The following ARSH variants were observed in gnomAD, a reference collection of about 807,000 sequenced individuals.
The protein encoded by ARSH is arylsulfatase H.
Under a neutral mutation model 28.7 loss-of-function variants are expected in ARSH, and 32 were observed. That is an observed-to-expected ratio of 1.11 (90% CI 0.84 to 1.50). The LOEUF is 1.50. Among genes scored for constraint, ARSH ranks in the 40% most tolerant of loss-of-function variants. The pLI, the probability that ARSH is intolerant of heterozygous loss-of-function variation, is 0.00. For synonymous variants in ARSH, 176 were observed against 177.3 expected, an observed-to-expected ratio of 0.99 and a Z score of 0.06; for missense variants, 440 against 452.4, an observed-to-expected ratio of 0.97 and a Z score of 0.25.
intron 6 of ARSH, among the ~76,000 whole-genome samples, chrX:3,024,785 G>T (rs2089894400): frequency 9.0e-6 from 1 of 111,128 alleles, no homozygotes; most frequent in South Asian, 3.8e-4. Flanking sequence ...CACTTTGATA[G>T]ACTTCATGCC....
At position 3,033,330 on chromosome X, in the gene ARSH, C is replaced by T. The variant is rs766702626; in HGVS notation, c.1634C>T (p.Thr545Ile). 20 of 1,207,212 alleles carry T rather than the reference C, an allele frequency of 1.7e-5. No homozygotes were observed. Among genetic ancestry groups the T allele is most frequent in the Admixed American group, 8.8e-5 (4 of 45,465 alleles). ...CCATGGCTGCAGCCTTGCTGTGGGACCTTCCCCTTCTGTGGGTGTGACAAG... is the reference window on the plus strand; with the variant it reads ...CCATGGCTGCAGCCTTGCTGTGGGATCTTCCCCTTCTGTGGGTGTGACAAG... ...WKPWLQPCCG[T>I]FPFCGCDKED... The change falls in exon 9 of 9, where the codon ACC (threonine) becomes ATC (isoleucine). Residue 545 changes from threonine (T) to isoleucine (I), a missense_variant. Thr to Ile is a moderately conservative substitution (Grantham distance 89, BLOSUM62 -1). Coordinates refer to ENST00000381130, the MANE Select transcript of ARSH (RefSeq NM_001011719.2).
At chrX:3,029,131 C>G in intron 7 of ARSH, 116 bp from the exon 8 acceptor site, 2 of 753,545 alleles carry the variant, frequency 2.7e-6, no homozygotes, top group Non-Finnish European at 3.7e-6. Context: ...TCGCCTCCTT[C>G]TCTTCCTCCC....
chrX:3,013,024 C>T (rs1442775480), intron 2 of ARSH, 23 bp from the exon 3 acceptor site: 3 of 1,203,691 alleles, frequency 2.5e-6, no homozygotes, highest in Non-Finnish European at 2.2e-6. Flanking sequence ...ATGGTGCTAA[C>T]TTATTGACTT....
At chrX:3,021,987 C>T (rs772064714) in intron 5 of ARSH, among the ~76,000 whole-genome samples, 1 of 109,405 alleles carries the variant, frequency 9.1e-6, no homozygotes, top group Non-Finnish European at 1.9e-5. Context: ...AGCAAACTTC[C>T]CACCTCGGCC....
At chrX:3,012,129 G>A (rs1283556493) in intron 2 of ARSH, among the ~76,000 whole-genome samples, 1 of 112,276 alleles carries the variant, frequency 8.9e-6, no homozygotes. Context: ...AAGCCACTGA[G>A]CCCGGCCTGA....
Position 3,033,669 on chromosome X carries a change from G to C in ARSH, c.*284G>C. ...AAGGTGACTTCAGCAGATTCTTGTAGAGCTTTTGTTCCTAGAATTCATGGA... is the reference window on the plus strand; with the variant it reads ...AAGGTGACTTCAGCAGATTCTTGTACAGCTTTTGTTCCTAGAATTCATGGA... On this transcript the variant is annotated 3_prime_UTR_variant, in exon 9 of 9. Coordinates refer to ENST00000381130, the MANE Select transcript of ARSH (RefSeq NM_001011719.2). 1 of 181,022 alleles carries C rather than the reference G, an allele frequency of 5.5e-6. No individual in the cohort carries two copies. The highest frequency in any genetic ancestry group is 1.1e-4 in the East Asian group (1 of 9,099). The allele number at this position is 181,022 out of a possible 1,213,427, so 14.9% of individuals were successfully genotyped here.
Position 3,033,400 on chromosome X carries a change from C to T in ARSH, c.*15C>T, listed in dbSNP as rs1003152740. The T allele has an allele frequency of 3.7e-5, 44 of 1,178,405 alleles. No individual in the cohort carries two copies. Among genetic ancestry groups the T allele is most frequent in the Non-Finnish European group, 4.8e-5 (42 of 879,111 alleles). On this transcript the variant is annotated 3_prime_UTR_variant, in exon 9 of 9. Transcript: ENST00000381130. ...TGGCTCCCTGAGACCATGCGGACCA[C>T]GTGTTACCCACCACAAACTTACTGT... is the stretch of plus-strand genomic sequence containing the variant.
chrX:3,015,683 C>T (rs948152066), intron 4 of ARSH, among the ~76,000 whole-genome samples: 1 of 110,820 alleles, frequency 9.0e-6, no homozygotes. Context: ...CAATAGACTG[C>T]AAACTTCTAG....
At chrX:3,020,663 A>C (rs2089881272) in intron 5 of ARSH, among the ~76,000 whole-genome samples, 1 of 110,477 alleles carries the variant, frequency 9.1e-6, no homozygotes, top group Non-Finnish European at 1.9e-5. Context: ...ATTTAAGCAG[A>C]AATGGGGAGA....
chrX:3,027,218 C>T (rs113195279), intron 6 of ARSH, 95 bp from the exon 7 acceptor site: 95,079 of 1,001,975 alleles, frequency 0.095, 3,558 homozygotes, highest in Non-Finnish European at 0.1. Context: ...CCTCGGCCCC[C>T]CAAAGTGCTG....
chrX:3,032,473 AAGG>A (rs1444896451), intron 8 of ARSH, among the ~76,000 whole-genome samples: 2 of 102,760 alleles, frequency 1.9e-5, no homozygotes, highest in Non-Finnish European at 4.0e-5. Context: ...GGAAGGAGGA[AAGG>A]AGGGAGCGAG....
rs186954566 is a variant in ARSH, at chrX:3,021,319, C to T, written c.901+2649C>T. ...AGTATATGTAAATACATGATGAAGA[C>T]GTGTTACAAAAGCTAGCAATTGCAT... On this transcript the variant is annotated intron_variant, in intron 5 of 8. Coordinates refer to ENST00000381130, the MANE Select transcript of ARSH (RefSeq NM_001011719.2). Among the ~76,000 whole-genome samples, 23 of 111,726 alleles carry T rather than the reference C, an allele frequency of 2.1e-4. No individual in the cohort carries two copies. In the South Asian group the frequency reaches 2.6e-3, roughly 13 times the overall value.
chrX:3,030,039 T>G (rs1178883712), intron 8 of ARSH, among the ~76,000 whole-genome samples: 1 of 110,964 alleles, frequency 9.0e-6, no homozygotes, highest in Non-Finnish European at 1.9e-5. Flanking sequence ...CATTTTAACT[T>G]AGGGAGGTGA....
At position 3,029,350 on chromosome X, in the gene ARSH, A is replaced by G; in HGVS notation, c.1303A>G (p.Arg435Gly). ...HYCGVYLHTV[R>G]WHQKDCATVW... ...CTGTGGGGTCTATCTGCACACGGTC[A>G]GGTGGCATCAGAAGGACTGTAAGTA... Residue 435 changes from arginine (R) to glycine (G), a missense_variant, in exon 8 of 9, where the codon AGG (arginine) becomes GGG (glycine). Arg to Gly is a moderately radical substitution (Grantham distance 125). Coordinates refer to ENST00000381130, the MANE Select transcript of ARSH (RefSeq NM_001011719.2). 8.3e-7 allele frequency: 1 copy of G among 1,210,088 alleles called. No homozygotes were observed. The highest frequency in any genetic ancestry group is 1.1e-6 in the Non-Finnish European group (1 of 894,724).
chrX:3,024,011 C>T lies in ARSH; in HGVS notation c.902-10C>T. The T allele has an allele frequency of 8.3e-7, 1 of 1,209,327 alleles. No homozygotes were observed. The highest frequency in any genetic ancestry group is 1.1e-6 in the Non-Finnish European group (1 of 894,523). ...GAGGTCAACGTCTTTGTGTCTCTGA[C>T]CCTCTCCAGGTAAAATCCTGGATGC... On this transcript the variant is annotated splice_polypyrimidine_tract_variant and intron_variant, in intron 5 of 8. Coordinates refer to ENST00000381130, the MANE Select transcript of ARSH (RefSeq NM_001011719.2).
chrX:3,023,995 G>C, intron 5 of ARSH, 26 bp from the exon 6 acceptor site: 1 of 1,207,986 alleles, frequency 8.3e-7, no homozygotes, highest in East Asian at 3.0e-5. Flanking sequence ...AGAGGTCAAC[G>C]TCTTTGTGTC....
intron 5 of ARSH, among the ~76,000 whole-genome samples, chrX:3,019,871 AAG>A (rs779151127): frequency 1.8e-5 from 2 of 111,317 alleles, no homozygotes; most frequent in East Asian, 5.7e-4. Flanking sequence ...GGATAGGACA[AAG>A]AGGGGAATCT....
At chrX:3,023,898 A>G (rs2089891345) in intron 5 of ARSH, 123 bp from the exon 6 acceptor site, 2 of 697,892 alleles carry the variant, frequency 2.9e-6, no homozygotes, top group South Asian at 2.9e-5. Context: ...ATTATACAAT[A>G]TCGTGTAGTG....
At chrX:3,014,095 T>A (rs1307119601) in intron 3 of ARSH, among the ~76,000 whole-genome samples, 3 of 110,689 alleles carry the variant, frequency 2.7e-5, no homozygotes, top group Non-Finnish European at 5.7e-5. Context: ...AGACCCTGGA[T>A]CTACAAAAAT....
Sources: allele counts gnomAD v4.1 joint callset (sites outside exome capture counted in the v4.1 genomes callset), GRCh38; gene constraint gnomAD v4.1.1; transcripts MANE v1.5; gene names NCBI Gene and HGNC (gene_info 2026-07-23, HGNC 2026-07-21).